TTLL1: variants seen among roughly 807,000 people sequenced by gnomAD.
The protein encoded by TTLL1 is TTL family tubulin polyglutamylase complex subunit L1.
Under a neutral mutation model 47.8 loss-of-function variants are expected in TTLL1, and 33 were observed. The ratio of observed to expected loss-of-function variants is 0.69; its 90% confidence interval spans 0.52 to 0.92. The LOEUF is 0.92. Among genes scored for constraint, TTLL1 ranks in the 40% least tolerant of loss-of-function variants. The pLI is 0.00. For missense variants in TTLL1, 488 were observed against 547.5 expected (o/e 0.89, Z 1.08); for synonymous variants, 225 against 214.1 (o/e 1.05, Z -0.45).
Position 43,080,902 on chromosome 22 carries a change from C to CTTTTTTTTTTTTTTTTTTTTT in TTLL1, c.-89-937_-89-917dup, listed in dbSNP as rs10529079. On this transcript the variant is annotated intron_variant, in intron 1 of 10. Transcript: ENST00000266254. ...GTCACCTGTTCCCAGTGTTGCATGA[C>CTTTTTTTTTTTTTTTTTTTTT]TTTTTTTTTTTTTTTTTTTTTTTTT... is the stretch of plus-strand genomic sequence containing the variant. Among the ~76,000 whole-genome samples, 9 of 69,302 alleles carry CTTTTTTTTTTTTTTTTTTTTT rather than the reference C, an allele frequency of 1.3e-4. 2 individuals carry two copies. Among genetic ancestry groups the CTTTTTTTTTTTTTTTTTTTTT allele is most frequent in the African/African-American group, 2.3e-4 (4 of 17,432 alleles). The allele number at this position is 69,302 out of a possible 152,430, so 45.5% of individuals were successfully genotyped here. A position where few individuals can be genotyped will look rare whatever the true frequency, so the allele number is the denominator to read the frequency against.
intron 5 of TTLL1, among the ~76,000 whole-genome samples, chr22:43,065,661 C>A (rs1485853438): frequency 6.6e-6 from 1 of 151,994 alleles, no homozygotes; most frequent in Non-Finnish European, 1.5e-5. Context: ...CAGCTCACTG[C>A]AGTCTCCTGG....
chr22:43,069,915 C>T (rs1044652767), intron 3 of TTLL1, 71 bp from the exon 4 acceptor site: 36 of 1,568,928 alleles, frequency 2.3e-5, no homozygotes, highest in Middle Eastern at 3.7e-4. Flanking sequence ...TTCCCGTCCC[C>T]GCAAACACCC....
In TTLL1 at chr22:43,064,202, A is replaced by G. The variant is rs747090808; in HGVS notation, c.626T>C (p.Leu209Pro). The change falls in exon 6 of 11, where the codon CTG becomes CCG. Residue 209 changes from leucine (L) to proline (P), a missense_variant. By Grantham distance (98) the Leu-to-Pro change is moderately conservative (BLOSUM62 -3). Coordinates refer to ENST00000266254, the MANE Select transcript of TTLL1 (RefSeq NM_012263.5). ...TAGGGACGCTTACATGTAACAGCGCAGTGGACGGTACGTGGACACCAGAAC... is the reference window on the plus strand; with the variant it reads ...TAGGGACGCTTACATGTAACAGCGCGGTGGACGGTACGTGGACACCAGAAC... Reference protein sequence around the residue: ...LYVLVSTYRPLRCYMYKLGFC... With the variant: ...LYVLVSTYRPPRCYMYKLGFC... 55 of 1,612,336 alleles carry G rather than the reference A, an allele frequency of 3.4e-5. No homozygotes were observed. Among genetic ancestry groups the G allele is most frequent in the Non-Finnish European group, 4.4e-5 (52 of 1,179,590 alleles).
At chr22:43,054,567 G>C (rs1379481377) in intron 8 of TTLL1, among the ~76,000 whole-genome samples, 1 of 151,856 alleles carries the variant, frequency 6.6e-6, no homozygotes, top group Non-Finnish European at 1.5e-5. Context: ...TGGGATCACA[G>C]GCATGCGCCA....
intron 7 of TTLL1, among the ~76,000 whole-genome samples, chr22:43,061,855 C>T (rs920851558): frequency 2.6e-5 from 4 of 152,204 alleles, no homozygotes; most frequent in African/African-American, 9.7e-5. Context: ...TATCCCTACT[C>T]ATGCTTCAGA....
chr22:43,072,443 C>G lies in TTLL1; in HGVS notation c.114-2599G>C, dbSNP rs563940880. On this transcript the variant is annotated intron_variant, in intron 3 of 10. Transcript: ENST00000266254. ...TGCTGGGATTACAGGCGTGAGCCAC[C>G]GCGCCTGGCCACCATCTTTATTTTC... 1.7e-3 allele frequency among the ~76,000 whole-genome samples: 250 copies of G among 151,270 alleles called. 1 individual carries two copies. Among genetic ancestry groups the G allele is most frequent in the African/African-American group, 5.6e-3 (232 of 41,268 alleles).
At chr22:43,056,049 CAG>C (rs1390232271) in intron 8 of TTLL1, among the ~76,000 whole-genome samples, 1 of 151,930 alleles carries the variant, frequency 6.6e-6, no homozygotes, top group African/African-American at 2.4e-5. Flanking sequence ...CTGGCCTCCA[CAG>C]AGACTGTTTT....
At chr22:43,058,134 C>T (rs1314817233) in intron 8 of TTLL1, among the ~76,000 whole-genome samples, 1 of 151,796 alleles carries the variant, frequency 6.6e-6, no homozygotes, top group Non-Finnish European at 1.5e-5. Context: ...GTAGTAGAGA[C>T]GGGGTTTCAC....
chr22:43,039,758 A>T lies in TTLL1; in HGVS notation c.*18T>A. 6.3e-7 allele frequency: 1 copy of T among 1,576,474 alleles called. No individual in the cohort carries two copies. The highest frequency in any genetic ancestry group is 8.6e-7 in the Non-Finnish European group (1 of 1,158,326). On this transcript the variant is annotated 3_prime_UTR_variant, in exon 11 of 11. Coordinates refer to ENST00000266254, the MANE Select transcript of TTLL1 (RefSeq NM_012263.5). ...GGCCCAGGTGGAGTGAGTAGTTTTG[A>T]TAAGGTCCAGGTGGGACTCACTTCC...
rs1569425822 is a variant in TTLL1 at position 43,059,383 on chromosome 22, C to T, written c.891+1G>A. On this transcript the variant is annotated splice_donor_variant, in intron 8 of 10. Coordinates refer to ENST00000266254, the MANE Select transcript of TTLL1 (RefSeq NM_012263.5). LOFTEE classifies it high-confidence loss of function. The stretch of plus-strand genomic sequence containing the variant: ...GGCTCCCCCGCCCGCACCAAACTCA[C>T]CGCCACAGCCTTCAGGGACTGCACG... 1.9e-6 allele frequency: 3 copies of T among 1,610,126 alleles called. No individual in the cohort carries two copies. In the East Asian group the frequency reaches 6.7e-5, roughly 36 times the overall value.
At chr22:43,067,587 G>A (rs1044614843) in intron 5 of TTLL1, among the ~76,000 whole-genome samples, 8 of 152,096 alleles carry the variant, frequency 5.3e-5, no homozygotes, top group African/African-American at 1.4e-4. Context: ...CTAATCACAC[G>A]AAGACAACCA....
chr22:43,057,390 G>A (rs919059852), intron 8 of TTLL1, among the ~76,000 whole-genome samples: 7 of 151,950 alleles, frequency 4.6e-5, no homozygotes, highest in South Asian at 4.2e-4. Context: ...GATTACAGGC[G>A]TGAGCCACTG....
In TTLL1 at chr22:43,076,867, C is replaced by T. The variant is rs950010220; in HGVS notation, c.-4-1277G>A. Among the ~76,000 whole-genome samples, 7 of 151,962 alleles carry T rather than the reference C, an allele frequency of 4.6e-5. No homozygotes were observed. The East Asian group carries it at 7.8e-4, about 17-fold the overall frequency. Reference sequence around the variant, plus strand: ...CTGTAATCCCAGCACTTTGGGAGGCCGAGGCAGGTGGATCACGAGGTCAGG... The same window carrying T: ...CTGTAATCCCAGCACTTTGGGAGGCTGAGGCAGGTGGATCACGAGGTCAGG... On this transcript the variant is annotated intron_variant, in intron 2 of 10. Transcript: ENST00000266254.
intron 9 of TTLL1, among the ~76,000 whole-genome samples, chr22:43,048,000 A>C (rs1205260979): frequency 6.6e-6 from 1 of 152,134 alleles, no homozygotes; most frequent in Non-Finnish European, 1.5e-5. Context: ...TATAATTCTT[A>C]TTATGAATAC....
intron 5 of TTLL1, among the ~76,000 whole-genome samples, chr22:43,065,244 T>C (rs1276008840): frequency 6.6e-6 from 1 of 152,134 alleles, no homozygotes; most frequent in African/African-American, 2.4e-5. Context: ...ATGTGAACTA[T>C]GGCCTTTGGG....
At position 43,056,460 on chromosome 22, in the gene TTLL1, GTCT is replaced by G. The variant is rs1447396397; in HGVS notation, c.891+2921_891+2923del. 2.7e-3 allele frequency among the ~76,000 whole-genome samples: 326 copies of G among 122,184 alleles called. 1 individual carries two copies. Among genetic ancestry groups the G allele is most frequent in the Non-Finnish European group, 4.6e-3 (270 of 58,352 alleles). 80.2% of individuals were successfully genotyped at this position (122,184 alleles called of 152,430 possible). On this transcript the variant is annotated intron_variant, in intron 8 of 10. Transcript: ENST00000266254. ...TTCACACATTTCCATCTTTCTTCTTGTCTTTTTTTTTTTTTTTTTTTTTTTTAA... is the reference window on the plus strand; with the variant it reads ...TTCACACATTTCCATCTTTCTTCTTGTTTTTTTTTTTTTTTTTTTTTTTAA...
In TTLL1 at chr22:43,039,868, G is replaced by T. The variant is rs767459232; in HGVS notation, c.1180C>A (p.Arg394=). 6.2e-7 allele frequency: 1 copy of T among 1,613,678 alleles called. No homozygotes were observed. Among genetic ancestry groups the T allele is most frequent in the African/African-American group, 1.3e-5 (1 of 74,880 alleles). ...EELAQGDGAD[R]ELRSRQGQSL... is the part of the protein sequence containing the mutation. The stretch of plus-strand genomic sequence containing the variant: ...TGACCCTGACGGCTTCTCAGCTCCC[G>T]GTCAGCCCCGTCACCCTGGGCCAAT... The change falls in exon 11 of 11, where the codon CGG becomes AGG. Residue 394 remains arginine, a synonymous_variant. Coordinates refer to ENST00000266254, the MANE Select transcript of TTLL1 (RefSeq NM_012263.5).
intron 4 of TTLL1, 125 bp from the exon 5 acceptor site, chr22:43,068,715 A>C: frequency 1.2e-6 from 1 of 826,198 alleles, no homozygotes; most frequent in Non-Finnish European, 1.7e-6. Context: ...CCCAGCAGCT[A>C]ACAGAACAAG....
chr22:43,074,702 G>C (rs1928368562), intron 3 of TTLL1, among the ~76,000 whole-genome samples: 1 of 151,650 alleles, frequency 6.6e-6, no homozygotes, highest in South Asian at 2.1e-4. Context: ...TAAATAAACA[G>C]CAGCTTTATG....
Sources: allele counts gnomAD v4.1 joint callset (sites outside exome capture counted in the v4.1 genomes callset), GRCh38; gene constraint gnomAD v4.1.1; transcripts MANE v1.5; gene names NCBI Gene and HGNC (gene_info 2026-07-23, HGNC 2026-07-21).